Variants in ITGBL1 observed in about 807,000 individuals in gnomAD.
The protein encoded by ITGBL1 is integrin beta-like protein 1.
A neutral mutation model predicts 68.5 loss-of-function variants in ITGBL1; 51 were observed. That is an observed-to-expected ratio of 0.74 (90% confidence interval 0.59 to 0.94). The LOEUF (loss-of-function observed/expected upper bound fraction) is 0.94. Ranked by LOEUF, ITGBL1 falls within the 40% of genes least tolerant of loss-of-function variation. The pLI, the probability that ITGBL1 is intolerant of heterozygous loss-of-function variation, is 0.00. For missense variants in ITGBL1, 649 were observed against 647.4 expected (o/e 1.00, Z -0.03); for synonymous variants, 209 against 227.3 (o/e 0.92, Z 0.72).
chr13:101,485,388 G>A (rs1175327747), intron 2 of ITGBL1, among the ~76,000 whole-genome samples: 1 of 152,082 alleles, frequency 6.6e-6, no homozygotes, highest in Admixed American at 6.6e-5. Context: ...GATATGAATA[G>A]ACAGTTCTCA....
intron 2 of ITGBL1, among the ~76,000 whole-genome samples, chr13:101,541,858 A>G (rs1010859514): frequency 2.0e-5 from 3 of 152,106 alleles, no homozygotes; most frequent in Admixed American, 1.3e-4. Flanking sequence ...TGTTTATAGT[A>G]TTCTCTGATG....
intron 7 of ITGBL1, among the ~76,000 whole-genome samples, chr13:101,678,581 C>G (rs1219124207): frequency 1.3e-5 from 2 of 150,588 alleles, no homozygotes; most frequent in Non-Finnish European, 2.9e-5. Flanking sequence ...CTCACTGCAA[C>G]CTCTGCCTCC....
At chr13:101,505,838 T>C (rs2049018940) in intron 2 of ITGBL1, among the ~76,000 whole-genome samples, 1 of 152,128 alleles carries the variant, frequency 6.6e-6, no homozygotes, top group Non-Finnish European at 1.5e-5. Flanking sequence ...ACTGACAACT[T>C]TGGGTGGCAG....
chr13:101,574,342 T>C lies in ITGBL1; in HGVS notation c.464-1082T>C, dbSNP rs534243789. ...GCTGGAAGTAAGCCTCTTCACCATCTCACTTCTCTTAGCTATGCTTTTTCT... is the reference window on the plus strand; with the variant it reads ...GCTGGAAGTAAGCCTCTTCACCATCCCACTTCTCTTAGCTATGCTTTTTCT... On this transcript the variant is annotated intron_variant, in intron 3 of 10. Transcript: ENST00000376180. 7.2e-5 allele frequency among the ~76,000 whole-genome samples: 11 copies of C among 152,276 alleles called. No individual in the cohort carries two copies. The East Asian group carries it at 1.5e-3, about 21-fold the overall frequency.
chr13:101,657,062 C>T (rs565302855), intron 7 of ITGBL1, among the ~76,000 whole-genome samples: 5 of 151,862 alleles, frequency 3.3e-5, no homozygotes, highest in Middle Eastern at 6.8e-3. Context: ...CCCACTAACT[C>T]GTCAGTATTG....
intron 7 of ITGBL1, among the ~76,000 whole-genome samples, chr13:101,604,887 T>TATACATACACATACATACACAC: frequency 4.5e-5 from 1 of 22,164 alleles, no homozygotes; most frequent in African/African-American, 1.5e-4. Flanking sequence ...TATATATATA[T>TATACATACACATACATACACAC]ACACACACAC....
At chr13:101,519,752 T>C (rs552677394) in intron 2 of ITGBL1, among the ~76,000 whole-genome samples, 16 of 152,270 alleles carry the variant, frequency 1.1e-4, no homozygotes, top group Non-Finnish European at 2.2e-4. Flanking sequence ...TTAGATAATA[T>C]ATGTAAAGCA....
At chr13:101,673,625 C>T (rs146596883) in intron 7 of ITGBL1, among the ~76,000 whole-genome samples, 1,694 of 152,260 alleles carry the variant, frequency 0.011, 39 homozygotes, top group African/African-American at 0.039. Flanking sequence ...AGGTTCTTGG[C>T]TCAATATTAT....
chr13:101,505,849 C>G (rs868259571), intron 2 of ITGBL1, among the ~76,000 whole-genome samples: 1 of 152,218 alleles, frequency 6.6e-6, no homozygotes, highest in Non-Finnish European at 1.5e-5. Flanking sequence ...TGGGTGGCAG[C>G]TTTCCAGTTC....
intron 7 of ITGBL1, among the ~76,000 whole-genome samples, chr13:101,621,920 A>T (rs1259184843): frequency 6.6e-6 from 1 of 152,144 alleles, no homozygotes; most frequent in Non-Finnish European, 1.5e-5. Context: ...TTGAGTGAAG[A>T]TGTGCACCCT....
At chr13:101,493,647 C>G (rs2139066616) in intron 2 of ITGBL1, among the ~76,000 whole-genome samples, 1 of 152,320 alleles carries the variant, frequency 6.6e-6, no homozygotes, top group Middle Eastern at 3.4e-3. Flanking sequence ...TCTGTCCTCC[C>G]ATTCACCTAA....
chr13:101,509,226 A>G (rs988746342), intron 2 of ITGBL1, among the ~76,000 whole-genome samples: 3 of 152,016 alleles, frequency 2.0e-5, no homozygotes, highest in African/African-American at 7.2e-5. Context: ...CATTTTTTAA[A>G]CCATCAGATC....
chr13:101,558,148 A>G (rs2050040706), intron 2 of ITGBL1, among the ~76,000 whole-genome samples: 1 of 151,224 alleles, frequency 6.6e-6, no homozygotes, highest in African/African-American at 2.4e-5. Context: ...GCAAGGAGGA[A>G]ACTAAAGCAA....
intron 2 of ITGBL1, among the ~76,000 whole-genome samples, chr13:101,519,703 CAATAACAGATCCT>C (rs1460524803): frequency 2.6e-5 from 4 of 152,044 alleles, no homozygotes; most frequent in African/African-American, 9.7e-5. Context: ...ACTAATGAGA[CAATAACAGATCCT>C]GATTATGGTA....
chr13:101,534,663 A>C (rs983324116), intron 2 of ITGBL1, among the ~76,000 whole-genome samples: 4 of 152,166 alleles, frequency 2.6e-5, no homozygotes, highest in African/African-American at 9.7e-5. Context: ...GCCTGTTAGC[A>C]CTGAAAAGGC....
intron 9 of ITGBL1, chr13:101,711,770 A>C (rs1383751993): frequency 1.3e-5 from 2 of 152,222 alleles, no homozygotes; most frequent in Admixed American, 1.3e-4. Context: ...CAGGGATGGA[A>C]GCCAGCAAAA....
At chr13:101,535,308 C>T (rs1285236682) in intron 2 of ITGBL1, among the ~76,000 whole-genome samples, 1 of 151,970 alleles carries the variant, frequency 6.6e-6, no homozygotes, top group Admixed American at 6.6e-5. Flanking sequence ...CTGATGTTAC[C>T]CAGACATTAC....
At chr13:101,652,931 C>T (rs1054213422) in intron 7 of ITGBL1, among the ~76,000 whole-genome samples, 1 of 151,932 alleles carries the variant, frequency 6.6e-6, no homozygotes, top group African/African-American at 2.4e-5. Context: ...AACCCTGTCT[C>T]TACTAAAAAT....
chr13:101,712,302 T>TAA (rs1230614341), intron 9 of ITGBL1: 6 of 152,198 alleles, frequency 3.9e-5, no homozygotes, highest in Admixed American at 1.3e-4. Context: ...TTTTTTATTC[T>TAA]AAGTATTTCA....
Sources: gnomAD v4.1 joint callset for allele counts (sites outside exome capture counted in the v4.1 genomes callset) on GRCh38, gnomAD v4.1.1 for gene constraint, MANE v1.5 for transcripts, NCBI Gene and HGNC (gene_info 2026-07-23, HGNC 2026-07-21) for gene names.